NCSTN: variants seen among roughly 807,000 people sequenced by gnomAD.
NCSTN encodes anterior pharynx-defective 2.
Under a neutral mutation model 87.0 loss-of-function variants are expected in NCSTN, and 22 were observed. The ratio of observed to expected loss-of-function variants is 0.25; its 90% CI spans 0.18 to 0.36. NCSTN has a LOEUF of 0.36. Ranked by LOEUF, NCSTN falls within the 10% of genes least tolerant of loss-of-function variation. The pLI is 1.00. For missense variants in NCSTN, 693 were observed against 883.3 expected, an observed-to-expected ratio of 0.78 and a Z score of 2.73; for synonymous variants, 306 against 327.1, an observed-to-expected ratio of 0.94 and a Z score of 0.69.
intron 11 of NCSTN, among the ~76,000 whole-genome samples, 153 bp downstream of exon 11, chr1:160,354,443 G>T (rs1180935352): frequency 6.6e-6 from 1 of 152,162 alleles, no homozygotes; most frequent in Admixed American, 6.5e-5. Context: ...TTTCACATCT[G>T]AACTGAAACC....
chr1:160,345,250 T>C (rs544566994), intron 2 of NCSTN: 83 of 279,186 alleles, frequency 3.0e-4, no homozygotes, highest in African/African-American at 1.7e-3. Flanking sequence ...TGGAGTGCAA[T>C]GGCACGATCT....
At chr1:160,354,397 A>G in intron 11 of NCSTN, 107 bp downstream of exon 11, 1 of 1,206,796 alleles carries the variant, frequency 8.3e-7, no homozygotes, top group South Asian at 1.2e-5. Context: ...CCCCTCCAGA[A>G]CTTCAGGTCC....
At chr1:160,343,603 CTCTT>C (rs1571193627) in intron 1 of NCSTN, 122 bp downstream of exon 1, 2 of 976,718 alleles carry the variant, frequency 2.0e-6, no homozygotes, top group Non-Finnish European at 3.2e-6. Flanking sequence ...CCTGTAAATC[CTCTT>C]TCTTTTTCGT....
intron 13 of NCSTN, 23 bp downstream of exon 13, chr1:160,355,981 C>G: frequency 6.3e-7 from 1 of 1,583,724 alleles, no homozygotes; most frequent in Non-Finnish European, 8.7e-7. Flanking sequence ...GCCCTAGCTC[C>G]TTCTTTCTAT....
rs990865729 is a variant in NCSTN, at chr1:160,351,207, C to T, written c.583-15C>T. 6.2e-7 allele frequency: 1 copy of T among 1,614,038 alleles called. No individual in the cohort carries two copies. The highest frequency in any genetic ancestry group is 8.5e-7 in the Non-Finnish European group (1 of 1,179,988). Reference sequence around the variant, plus strand: ...ACAAACTAGCTGTCTCAGTGGGGTCCATCTCCCCTTTCAGTGCTATCAAGA... The same window carrying T: ...ACAAACTAGCTGTCTCAGTGGGGTCTATCTCCCCTTTCAGTGCTATCAAGA... On this transcript the variant is annotated splice_polypyrimidine_tract_variant and intron_variant, in intron 5 of 16. Coordinates refer to ENST00000294785, the MANE Select transcript of NCSTN (RefSeq NM_015331.3).
chr1:160,354,981 C>T (rs6677637), intron 11 of NCSTN, among the ~76,000 whole-genome samples: 7,628 of 152,232 alleles, frequency 0.05, 199 homozygotes, highest in Middle Eastern at 0.065. Context: ...GGGGAGTGAC[C>T]GTCCTAGCAC....
At chr1:160,351,938 TC>T in intron 7 of NCSTN, 115 bp from the exon 8 acceptor site, 1 of 1,493,248 alleles carries the variant, frequency 6.7e-7, no homozygotes. Context: ...GCTGTGGGAC[TC>T]CTGGGTTGTC....
At chr1:160,344,560 C>A in intron 1 of NCSTN, 162 bp from the exon 2 acceptor site, 6 of 1,550,890 alleles carry the variant, frequency 3.9e-6, no homozygotes, top group Non-Finnish European at 5.2e-6. Context: ...GTATCTGTTA[C>A]GATAAGTGTG....
chr1:160,349,056 A>G lies in NCSTN; in HGVS notation c.248A>G (p.Gln83Arg), dbSNP rs1208128258. The change falls in exon 3 of 17, where the codon CAG (glutamine) becomes CGG (arginine). Residue 83 changes from glutamine to arginine, a missense_variant. Physicochemically the swap from Gln to Arg is conservative, Grantham distance 43. This residue lies in a region of NCSTN where 235 missense variants were observed against 233.9 expected (regional missense o/e 1.00). Coordinates refer to ENST00000294785, the MANE Select transcript of NCSTN (RefSeq NM_015331.3). Reference sequence around the variant, plus strand: ...GTAGTAGAGAAAGAGGAGGACCTACAGTGGGTATTGACTGATGGCCCCAAC... The same window carrying G: ...GTAGTAGAGAAAGAGGAGGACCTACGGTGGGTATTGACTGATGGCCCCAAC... ...IHVVEKEEDL[Q>R]WVLTDGPNPP... 3.1e-6 allele frequency: 5 copies of G among 1,614,050 alleles called. No homozygotes were observed. The East Asian group carries it at 8.9e-5, about 29-fold the overall frequency.
chr1:160,349,016 A>G lies in NCSTN; in HGVS notation c.208A>G (p.Thr70Ala). Residue 70 changes from threonine to alanine, a missense_variant, in exon 3 of 17, where the codon ACA becomes GCA. Around this residue, in one of 4 missense-constraint regions of NCSTN, gnomAD observed 235 missense variants for 233.9 expected, o/e 1.00. Coordinates refer to ENST00000294785, the MANE Select transcript of NCSTN (RefSeq NM_015331.3). ...IGCQSSISGDTGVIHVVEKEE... is the reference protein window; with the variant it reads ...IGCQSSISGDAGVIHVVEKEE... ...CCTGGCAGCTTCAATTAGTGGAGAC[A>G]CAGGGGTTATCCACGTAGTAGAGAA... 6.2e-7 allele frequency: 1 copy of G among 1,614,216 alleles called. No individual in the cohort carries two copies. The highest frequency in any genetic ancestry group is 1.6e-4 in the Middle Eastern group (1 of 6,062).
At chr1:160,354,072 C>T in intron 10 of NCSTN, 46 bp from the exon 11 acceptor site, 1 of 1,588,940 alleles carries the variant, frequency 6.3e-7, no homozygotes, top group Non-Finnish European at 8.6e-7. Flanking sequence ...CCTCCTGCTT[C>T]CCATCCCCCA....
Position 160,344,787 on chromosome 1 carries a change from G to A in NCSTN, c.151G>A (p.Val51Ile). The A allele has an allele frequency of 6.2e-7, 1 of 1,614,094 alleles. No individual in the cohort carries two copies. Among genetic ancestry groups the A allele is most frequent in the Non-Finnish European group, 8.5e-7 (1 of 1,180,004 alleles). The change falls in exon 2 of 17, where the codon GTT becomes ATT. Residue 51 changes from valine (V) to isoleucine (I), a missense_variant. By Grantham distance (29) the Val-to-Ile change is conservative. Around this residue, in one of 4 missense-constraint regions of NCSTN, gnomAD observed 235 missense variants for 233.9 expected, o/e 1.00. Coordinates refer to ENST00000294785, the MANE Select transcript of NCSTN (RefSeq NM_015331.3). Reference sequence around the variant, plus strand: ...CCCCTTAAATAAAACAGCTCCCTGTGTTCGCCTGCTCAACGCCACTCATCA... The same window carrying A: ...CCCCTTAAATAAAACAGCTCCCTGTATTCGCCTGCTCAACGCCACTCATCA... ...YIPLNKTAPCVRLLNATHQIG... is the reference protein window; with the variant it reads ...YIPLNKTAPCIRLLNATHQIG...
intron 4 of NCSTN, 41 bp downstream of exon 4, chr1:160,349,711 A>AG (rs763412074): frequency 3.2e-5 from 52 of 1,611,226 alleles, no homozygotes; most frequent in Non-Finnish European, 4.4e-5. Flanking sequence ...CTGTCACCTA[A>AG]GGCTCACTGT....
chr1:160,358,073 C>T, intron 16 of NCSTN, 76 bp from the exon 17 acceptor site: 1 of 1,605,152 alleles, frequency 6.2e-7, no homozygotes, highest in African/African-American at 1.3e-5. Context: ...GGCTCCAAAC[C>T]CCAAACAGTT....
intron 1 of NCSTN, 57 bp downstream of exon 1, chr1:160,343,538 C>A: frequency 6.8e-7 from 1 of 1,473,126 alleles, no homozygotes; most frequent in East Asian, 2.4e-5. Flanking sequence ...GGATCGGCCC[C>A]GCCGCGACCG....
intron 10 of NCSTN, chr1:160,353,805 C>A: frequency 1.2e-6 from 1 of 815,086 alleles, no homozygotes; most frequent in Non-Finnish European, 1.5e-6. Context: ...CCCTTCAATT[C>A]TGCACAATAA....
intron 10 of NCSTN, chr1:160,353,513 G>T: frequency 7.5e-7 from 1 of 1,333,658 alleles, no homozygotes; most frequent in South Asian, 1.5e-5. Flanking sequence ...TGAGTGACTA[G>T]CTCCCTTCTT....
chr1:160,356,164 C>A, intron 13 of NCSTN, 96 bp from the exon 14 acceptor site: 1 of 1,196,868 alleles, frequency 8.4e-7, no homozygotes, highest in South Asian at 1.2e-5. Flanking sequence ...TCTGGCCAGT[C>A]TGGTTCCTGC....
intron 2 of NCSTN, among the ~76,000 whole-genome samples, chr1:160,347,846 G>A (rs1373198911): frequency 6.6e-6 from 1 of 152,234 alleles, no homozygotes. Flanking sequence ...CTGACCTCAA[G>A]TGATCCACCC....
Sources: allele counts gnomAD v4.1 joint callset (sites outside exome capture counted in the v4.1 genomes callset), GRCh38; gene constraint gnomAD v4.1.1; regional missense constraint gnomAD v4.1.1; transcripts MANE v1.5; gene names NCBI Gene and HGNC (gene_info 2026-07-23, HGNC 2026-07-21).